The following ITPK1 variants were observed in gnomAD, a reference collection of about 807,000 sequenced individuals.
The protein encoded by ITPK1 is inositol-tetrakisphosphate 1-kinase, also known as inositol 1,3,4-trisphosphate 5/6-kinase.
A neutral mutation model predicts 45.3 loss-of-function variants in ITPK1; 21 were observed. The observed-to-expected ratio is 0.46, with a 90% CI of 0.33 to 0.67. The LOEUF (loss-of-function observed/expected upper bound fraction) is 0.67, where lower values mean the gene tolerates loss of function less well. Ranked by LOEUF, ITPK1 falls within the 30% of genes least tolerant of loss-of-function variation. The pLI, the probability that ITPK1 is intolerant of heterozygous loss-of-function variation, is 0.02. For synonymous variants in ITPK1, 258 were observed against 253.6 expected (o/e 1.02, Z -0.16); for missense variants, 474 against 573.5 (o/e 0.83, Z 1.77).
At chr14:93,100,686 G>A (rs1346722701) in intron 2 of ITPK1, among the ~76,000 whole-genome samples, 4 of 151,950 alleles carry the variant, frequency 2.6e-5, no homozygotes, top group South Asian at 2.1e-4. Context: ...CTTTATTACC[G>A]AACCCGCTCA....
At chr14:92,994,158 C>T (rs1278171847) in intron 4 of ITPK1, among the ~76,000 whole-genome samples, 161 bp from the exon 5 acceptor site, 1 of 152,240 alleles carries the variant, frequency 6.6e-6, no homozygotes, top group African/African-American at 2.4e-5. Context: ...GAGCAGTCAC[C>T]TGGAGATCTG....
chr14:93,109,088 C>T (rs1488108457), intron 2 of ITPK1, among the ~76,000 whole-genome samples: 1 of 152,174 alleles, frequency 6.6e-6, no homozygotes, highest in Non-Finnish European at 1.5e-5. Context: ...TAGCAATGTA[C>T]ACCCAGGCAA....
In ITPK1 at chr14:92,941,527, C is replaced by T. The variant is rs1887396189; in HGVS notation, c.*34G>A. Reference sequence around the variant, plus strand: ...GCTGGCCCAGCGGGTGTGCTCTGCGCCCTGCGCTGCCCCTCTGGGTCCCGG... The same window carrying T: ...GCTGGCCCAGCGGGTGTGCTCTGCGTCCTGCGCTGCCCCTCTGGGTCCCGG... On this transcript the variant is annotated 3_prime_UTR_variant, in exon 11 of 11. Transcript: ENST00000267615. 8 of 1,505,300 alleles carry T rather than the reference C, an allele frequency of 5.3e-6. No homozygotes were observed. Among genetic ancestry groups the T allele is most frequent in the Admixed American group, 2.5e-5 (1 of 40,724 alleles). The allele number at this position is 1,505,300 out of a possible 1,614,324, so 93.2% of individuals were successfully genotyped here. A position where few individuals can be genotyped will look rare whatever the true frequency, so the allele number is the denominator to read the frequency against.
At chr14:92,942,563 T>G (rs1887485136) in intron 10 of ITPK1, among the ~76,000 whole-genome samples, 1 of 152,130 alleles carries the variant, frequency 6.6e-6, no homozygotes, top group Non-Finnish European at 1.5e-5. Context: ...TGTGTCCCAT[T>G]CTCTGAGGAT....
intron 9 of ITPK1, among the ~76,000 whole-genome samples, chr14:92,950,990 A>AAGAC (rs952350563): frequency 2.6e-5 from 4 of 152,306 alleles, no homozygotes; most frequent in Admixed American, 6.5e-5. Context: ...CCTGACACAA[A>AAGAC]AGACAGACAG....
In ITPK1 at chr14:93,016,814, G is replaced by A; in HGVS notation, c.121-13C>T. 1.2e-6 allele frequency: 2 copies of A among 1,613,224 alleles called. No homozygotes were observed. The highest frequency in any genetic ancestry group is 2.2e-5 in the East Asian group (1 of 44,866). On this transcript the variant is annotated splice_polypyrimidine_tract_variant and intron_variant, in intron 3 of 10. Coordinates refer to ENST00000267615, the MANE Select transcript of ITPK1 (RefSeq NM_014216.6). This position sits in a 1 kb window ranked among gnomAD's most constrained non-coding sequence, Gnocchi z 5.0. ...GGCTAAGGTTCAGCTGTGAGGCAGG[G>A]AACACAGACAAAAGCAACAACTTCA...
chr14:92,964,291 C>T (rs111278337), intron 5 of ITPK1, among the ~76,000 whole-genome samples: 1 of 152,140 alleles, frequency 6.6e-6, no homozygotes, highest in African/African-American at 2.4e-5. Flanking sequence ...CCCAAGCGGT[C>T]CCTGACAGTG....
At position 93,105,786 on chromosome 14, in the gene ITPK1, A is replaced by T. The variant is rs552076695; in HGVS notation, c.95+9283T>A. ...TGGCGCGATCTCGGCTCACTGCAAC[A>T]TCCACCTCCCGGGTTCAAGCGTTTC... On this transcript the variant is annotated intron_variant, in intron 2 of 10. Coordinates refer to ENST00000267615, the MANE Select transcript of ITPK1 (RefSeq NM_014216.6). Among the ~76,000 whole-genome samples, 12 of 148,248 alleles carry T rather than the reference A, an allele frequency of 8.1e-5. No homozygotes were observed. In the East Asian group the frequency reaches 2.2e-3, roughly 27 times the overall value.
chr14:92,973,334 A>G (rs1266523340), intron 5 of ITPK1, among the ~76,000 whole-genome samples: 1 of 152,226 alleles, frequency 6.6e-6, no homozygotes, highest in East Asian at 1.9e-4. Flanking sequence ...AGCACTGGAA[A>G]CAAAAGGAGG....
chr14:93,085,498 A>C (rs554779385), intron 2 of ITPK1, among the ~76,000 whole-genome samples: 3 of 152,306 alleles, frequency 2.0e-5, no homozygotes, highest in Admixed American at 1.3e-4. Context: ...AGCTTTTCCC[A>C]GTGAACAGGC....
intron 3 of ITPK1, among the ~76,000 whole-genome samples, chr14:93,044,953 G>C (rs1480003758): frequency 7.2e-5 from 11 of 152,232 alleles, no homozygotes; most frequent in Admixed American, 7.2e-4. Flanking sequence ...CTCCTGGCCA[G>C]GGCAGGCCCC....
chr14:92,952,352 G>A (rs1215574935), intron 8 of ITPK1, among the ~76,000 whole-genome samples: 1 of 152,174 alleles, frequency 6.6e-6, no homozygotes, highest in East Asian at 1.9e-4. Flanking sequence ...CGGTGGGACA[G>A]CTAAACACCT....
chr14:93,027,891 C>G (rs1413428614), intron 3 of ITPK1, among the ~76,000 whole-genome samples: 1 of 152,326 alleles, frequency 6.6e-6, no homozygotes, highest in African/African-American at 2.4e-5. Context: ...GGAATCCTGG[C>G]TCTCCTCTCT....
intron 5 of ITPK1, among the ~76,000 whole-genome samples, chr14:92,981,908 T>C (rs1002210085): frequency 6.6e-6 from 1 of 151,900 alleles, no homozygotes; most frequent in African/African-American, 2.4e-5. Context: ...AAAGTTGGAG[T>C]TAGTCCTGGG....
In ITPK1 at chr14:92,938,212, C is replaced by A. The variant is rs565893153; in HGVS notation, c.*3349G>T. On this transcript the variant is annotated 3_prime_UTR_variant, in exon 11 of 11. Transcript: ENST00000267615. ...TGACCTTGTGATCCACCTGCCTCAG[C>A]CTCCCTAAGTGCTGGGATGACAGGC... The A allele has an allele frequency of 5.5e-5, 30 of 542,384 alleles. No homozygotes were observed. The highest frequency in any genetic ancestry group is 5.2e-4 in the African/African-American group (27 of 52,256). 33.6% of individuals were successfully genotyped at this position (542,384 alleles called of 1,614,324 possible). A position where few individuals can be genotyped will look rare whatever the true frequency, so the allele number is the denominator to read the frequency against.
chr14:92,976,350 G>A (rs535555826), intron 5 of ITPK1, among the ~76,000 whole-genome samples: 34 of 152,308 alleles, frequency 2.2e-4, no homozygotes, highest in Admixed American at 1.4e-3. Context: ...GACTCTGGAA[G>A]CAAGGCCAGA....
In ITPK1 at chr14:93,029,706, C is replaced by T. The variant is rs574466878; in HGVS notation, c.121-12905G>A. Among the ~76,000 whole-genome samples, 22 of 152,272 alleles carry T rather than the reference C, an allele frequency of 1.4e-4. No individual in the cohort carries two copies. In the South Asian group the frequency reaches 4.3e-3, roughly 30 times the overall value. On this transcript the variant is annotated intron_variant, in intron 3 of 10. Transcript: ENST00000267615. The stretch of plus-strand genomic sequence containing the variant: ...GAGCCACCACCCTTGGTCACTGGCA[C>T]GGCTTCCTGGGCATGACTCTTGTCC...
intron 3 of ITPK1, among the ~76,000 whole-genome samples, chr14:93,022,944 G>A (rs1888545388): frequency 6.6e-6 from 1 of 152,226 alleles, no homozygotes; most frequent in East Asian, 1.9e-4. Context: ...ACAACCACAT[G>A]AACCAACATT....
chr14:93,081,456 T>G (rs926935566), intron 2 of ITPK1, among the ~76,000 whole-genome samples: 1 of 152,180 alleles, frequency 6.6e-6, no homozygotes, highest in Non-Finnish European at 1.5e-5. Flanking sequence ...AAAATAGGAA[T>G]AGCTAAGTAT....
Sources: gnomAD v4.1 joint callset for allele counts (sites outside exome capture counted in the v4.1 genomes callset) on GRCh38, gnomAD v4.1.1 for gene constraint, Gnocchi (gnomAD v3.1) non-coding constraint, MANE v1.5 for transcripts, NCBI Gene and HGNC (gene_info 2026-07-23, HGNC 2026-07-21) for gene names.